Variants in PTPRT observed in about 807,000 individuals in gnomAD.
PTPRT encodes receptor-type tyrosine-protein phosphatase T.
In PTPRT, 56 loss-of-function variants were observed where a neutral mutation model predicts 176.8. The ratio of observed to expected loss-of-function variants is 0.32; its 90% CI spans 0.26 to 0.40. PTPRT has a LOEUF of 0.40. PTPRT is among the 10% of genes least tolerant of loss of function. The probability of loss-of-function intolerance (pLI) is 1.00; values close to 1 mark genes in which losing one functional copy is unlikely to be tolerated. For synonymous variants in PTPRT, 783 were observed against 739.0 expected (o/e 1.06, Z -0.96); for missense variants, 1,540 against 1,908.2 (o/e 0.81, Z 3.60).
At chr20:42,455,317 T>C (rs2145873841) in intron 8 of PTPRT, among the ~76,000 whole-genome samples, 1 of 152,346 alleles carries the variant, frequency 6.6e-6, no homozygotes, top group Middle Eastern at 3.4e-3. Context: ...AGCACTGTTC[T>C]AGAACTCAGT....
chr20:43,121,075 G>A (rs1253808675), intron 1 of PTPRT, among the ~76,000 whole-genome samples: 1 of 151,564 alleles, frequency 6.6e-6, no homozygotes, highest in Non-Finnish European at 1.5e-5. Context: ...GATGAGTATT[G>A]CCTGTTTTTG....
intron 27 of PTPRT, among the ~76,000 whole-genome samples, chr20:42,095,248 A>T (rs973240138): frequency 6.6e-6 from 1 of 152,172 alleles, no homozygotes; most frequent in African/African-American, 2.4e-5. Flanking sequence ...TGCTTTTATT[A>T]AAAAAGGCAA....
chr20:42,102,338 G>C (rs971538553), intron 25 of PTPRT, 41 bp from the exon 26 acceptor site: 5 of 1,588,156 alleles, frequency 3.1e-6, no homozygotes, highest in Non-Finnish European at 4.3e-6. Flanking sequence ...CTGCTCATTT[G>C]GCTGCCCCTG....
chr20:42,422,048 T>C (rs1040000295), intron 9 of PTPRT, among the ~76,000 whole-genome samples: 10 of 152,034 alleles, frequency 6.6e-5, no homozygotes, highest in South Asian at 2.1e-4. Context: ...TATACAAAAA[T>C]CAACTCAAGA....
At chr20:42,676,011 C>T (rs2075494951) in intron 7 of PTPRT, among the ~76,000 whole-genome samples, 2 of 152,202 alleles carry the variant, frequency 1.3e-5, no homozygotes, top group Admixed American at 1.3e-4. Context: ...CCAGTCCTTC[C>T]ATAAGCTCAT....
At chr20:42,758,194 T>C (rs148580662) in intron 5 of PTPRT, among the ~76,000 whole-genome samples, 269 of 152,364 alleles carry the variant, frequency 1.8e-3, no homozygotes, top group African/African-American at 4.5e-3. Context: ...GGAAACCTTA[T>C]GACTTATGAT....
intron 9 of PTPRT, among the ~76,000 whole-genome samples, chr20:42,375,157 G>A (rs1313796452): frequency 3.9e-5 from 6 of 152,122 alleles, no homozygotes; most frequent in Non-Finnish European, 7.4e-5. Context: ...TGTGTGTCGG[G>A]GGGACAGGGA....
At chr20:42,057,036 C>G in the PTPRT span, among the ~76,000 whole-genome samples, 1 of 152,200 alleles carries the variant, frequency 6.6e-6, no homozygotes. Flanking sequence ...GTAGCTCTCA[C>G]CTTCCAAGCA....
chr20:42,649,097 G>T (rs889328836), intron 7 of PTPRT, among the ~76,000 whole-genome samples: 1 of 152,022 alleles, frequency 6.6e-6, no homozygotes, highest in African/African-American at 2.4e-5. Context: ...AGGATTACAG[G>T]CCTGAGCCAC....
intron 7 of PTPRT, among the ~76,000 whole-genome samples, chr20:42,575,819 C>A (rs763517539): frequency 8.5e-5 from 13 of 152,096 alleles, no homozygotes; most frequent in Non-Finnish European, 1.6e-4. Context: ...AGCGCCCACA[C>A]CCTCGCCACA....
chr20:43,134,041 T>C (rs1469954400), intron 1 of PTPRT, among the ~76,000 whole-genome samples: 4 of 152,126 alleles, frequency 2.6e-5, no homozygotes, highest in African/African-American at 9.7e-5. Flanking sequence ...TACGGATCAG[T>C]CTGAGCTTCG....
intron 1 of PTPRT, among the ~76,000 whole-genome samples, chr20:43,094,939 A>C (rs548748995): frequency 6.6e-6 from 1 of 152,272 alleles, no homozygotes; most frequent in African/African-American, 2.4e-5. Context: ...TTCTAAGAGA[A>C]GGGGATGCTT....
chr20:42,676,141 C>T (rs1162707498), intron 7 of PTPRT, among the ~76,000 whole-genome samples: 2 of 152,040 alleles, frequency 1.3e-5, no homozygotes, highest in African/African-American at 4.8e-5. Flanking sequence ...TTTGGATTTC[C>T]GAGGTTCAGG....
intron 7 of PTPRT, among the ~76,000 whole-genome samples, chr20:42,585,515 C>T (rs1477652359): frequency 6.6e-6 from 1 of 152,116 alleles, no homozygotes. Context: ...TTTAGTTCCT[C>T]TATTTGGTAC....
chr20:43,094,387 C>CTTT (rs750409473), intron 1 of PTPRT, among the ~76,000 whole-genome samples: 2 of 107,144 alleles, frequency 1.9e-5, no homozygotes, highest in African/African-American at 6.8e-5. Context: ...CACCCGGCCT[C>CTTT]TTTCTTTTTT....
intron 4 of PTPRT, among the ~76,000 whole-genome samples, chr20:42,779,355 G>C (rs2145494307): frequency 6.6e-6 from 1 of 152,296 alleles, no homozygotes; most frequent in Non-Finnish European, 1.5e-5. Flanking sequence ...AGTGGAGAGA[G>C]CCCACAGGGG....
intron 1 of PTPRT, among the ~76,000 whole-genome samples, chr20:42,960,041 C>T (rs1352971534): frequency 1.3e-5 from 2 of 152,276 alleles, no homozygotes; most frequent in East Asian, 1.9e-4. Context: ...CATCTACTCA[C>T]GGAGTGTCTG....
chr20:42,873,406 T>C (rs979160371), intron 2 of PTPRT, among the ~76,000 whole-genome samples: 1 of 152,226 alleles, frequency 6.6e-6, no homozygotes, highest in Non-Finnish European at 1.5e-5. Context: ...GAGTGCTTTA[T>C]AAATGCTAGC....
chr20:42,954,055 A>T (rs1292524168), intron 1 of PTPRT, among the ~76,000 whole-genome samples: 11 of 151,530 alleles, frequency 7.3e-5, no homozygotes, highest in Admixed American at 7.2e-4. Context: ...GGACTCTAAG[A>T]CCTCCCGTGG....
Sources: gnomAD v4.1 joint callset for allele counts (sites outside exome capture counted in the v4.1 genomes callset) on GRCh38, gnomAD v4.1.1 for gene constraint, MANE v1.5 for transcripts, NCBI Gene and HGNC (gene_info 2026-07-23, HGNC 2026-07-21) for gene names.